Variants in MAP4K3 observed in about 807,000 individuals in gnomAD.
The protein encoded by MAP4K3 is MAPK/ERK kinase kinase kinase 3.
In MAP4K3, 94 loss-of-function variants were observed where a neutral mutation model predicts 143.5. The observed-to-expected ratio is 0.65, with a 90% CI of 0.55 to 0.78. The LOEUF (loss-of-function observed/expected upper bound fraction) is 0.78, where lower values mean the gene tolerates loss of function less well. MAP4K3 is among the 30% of genes least tolerant of loss of function. MAP4K3 has a pLI of 0.00. For missense variants in MAP4K3, 1,077 were observed against 1,068.1 expected (o/e 1.01, Z -0.12); for synonymous variants, 416 against 347.2 (o/e 1.20, Z -2.20).
intron 1 of MAP4K3, among the ~76,000 whole-genome samples, chr2:39,430,314 T>C (rs1665246520): frequency 1.3e-5 from 2 of 152,282 alleles, no homozygotes; most frequent in East Asian, 1.9e-4. Context: ...TTTCAACATA[T>C]GTAAATTTAT....
intron 21 of MAP4K3, among the ~76,000 whole-genome samples, chr2:39,283,488 A>G (rs556131779): frequency 6.6e-6 from 1 of 151,948 alleles, no homozygotes; most frequent in East Asian, 1.9e-4. Flanking sequence ...TTTCATATCT[A>G]TTTGTTGGAG....
chr2:39,390,173 G>T (rs1406307348), intron 1 of MAP4K3, among the ~76,000 whole-genome samples: 1 of 152,078 alleles, frequency 6.6e-6, no homozygotes, highest in East Asian at 1.9e-4. Flanking sequence ...TTACATTTTG[G>T]GTTGTCTCAA....
chr2:39,284,322 C>G (rs188144221), intron 21 of MAP4K3, among the ~76,000 whole-genome samples: 1 of 152,030 alleles, frequency 6.6e-6, no homozygotes, highest in South Asian at 2.1e-4. Context: ...CCACCACACC[C>G]GGCTGTTTCT....
At chr2:39,402,535 GA>G (rs1326984293) in intron 1 of MAP4K3, among the ~76,000 whole-genome samples, 2 of 151,686 alleles carry the variant, frequency 1.3e-5, no homozygotes, top group Non-Finnish European at 1.5e-5. Context: ...CTCGTAAAAG[GA>G]AAAAAAGAAA....
At chr2:39,289,943 T>G (rs902406162) in intron 19 of MAP4K3, among the ~76,000 whole-genome samples, 2 of 152,034 alleles carry the variant, frequency 1.3e-5, no homozygotes, top group Non-Finnish European at 2.9e-5. Context: ...AAACTTTAGC[T>G]GGACCTGGTG....
intron 7 of MAP4K3, among the ~76,000 whole-genome samples, chr2:39,333,186 G>C (rs1202023073): frequency 6.6e-6 from 1 of 152,100 alleles, no homozygotes; most frequent in African/African-American, 2.4e-5. Context: ...TGTTTTTGGA[G>C]TTACTGATTT....
At chr2:39,344,875 GA>G (rs1021451452) in intron 3 of MAP4K3, among the ~76,000 whole-genome samples, 44 of 152,282 alleles carry the variant, frequency 2.9e-4, no homozygotes, top group Admixed American at 7.2e-4. Context: ...GGGAGTTGAA[GA>G]AAGACTGCCT....
At chr2:39,391,228 G>A (rs1369931282) in intron 1 of MAP4K3, among the ~76,000 whole-genome samples, 7 of 151,208 alleles carry the variant, frequency 4.6e-5, no homozygotes, top group South Asian at 2.1e-4. Context: ...GCGTGGTGGC[G>A]GGTGCCTGTA....
chr2:39,394,894 G>A (rs1476212827), intron 1 of MAP4K3, among the ~76,000 whole-genome samples: 1 of 151,884 alleles, frequency 6.6e-6, no homozygotes, highest in East Asian at 1.9e-4. Flanking sequence ...GCCTGGAAAG[G>A]GGCTTTCCTG....
chr2:39,352,832 T>C (rs1384494284), intron 3 of MAP4K3, among the ~76,000 whole-genome samples: 1 of 152,172 alleles, frequency 6.6e-6, no homozygotes, highest in African/African-American at 2.4e-5. Flanking sequence ...AGGGGGAAAT[T>C]TATCAATGGT....
intron 28 of MAP4K3, among the ~76,000 whole-genome samples, chr2:39,263,739 C>T (rs1183289405): frequency 6.6e-6 from 1 of 152,162 alleles, no homozygotes; most frequent in Non-Finnish European, 1.5e-5. Context: ...GGTTCACTAT[C>T]TCAGAATGCT....
chr2:39,421,563 T>C (rs536519106), intron 1 of MAP4K3, among the ~76,000 whole-genome samples: 1 of 152,160 alleles, frequency 6.6e-6, no homozygotes, highest in East Asian at 1.9e-4. Flanking sequence ...ATCTGTAAAA[T>C]GGAAATAACA....
At chr2:39,315,549 G>T in intron 12 of MAP4K3, 161 bp from the exon 13 acceptor site, 1 of 535,650 alleles carries the variant, frequency 1.9e-6, no homozygotes, top group Non-Finnish European at 3.3e-6. Flanking sequence ...AACCACAATA[G>T]CAGCTCAAAC....
chr2:39,372,315 A>G lies in MAP4K3; in HGVS notation c.154+5751T>C, dbSNP rs910473378. On this transcript the variant is annotated intron_variant, in intron 2 of 33. Transcript: ENST00000263881. ...CCAAAAAAAAATGGAAAGATATTCC[A>G]TGTTCATGGACTGGAAGAATCAATA... Among the ~76,000 whole-genome samples, 9 of 152,170 alleles carry G rather than the reference A, an allele frequency of 5.9e-5. No homozygotes were observed. In the South Asian group the frequency reaches 1.0e-3, roughly 18 times the overall value.
chr2:39,389,595 A>AG (rs1354635100), intron 1 of MAP4K3, among the ~76,000 whole-genome samples: 1 of 152,218 alleles, frequency 6.6e-6, no homozygotes, highest in Non-Finnish European at 1.5e-5. Context: ...GACTTTTCAG[A>AG]GAAAAAAGAA....
chr2:39,250,551 G>A lies in MAP4K3; in HGVS notation c.*67C>T. On this transcript the variant is annotated 3_prime_UTR_variant, in exon 34 of 34. Transcript: ENST00000263881. ...TACTGCAGCTTTTGTACAGCTTCAA[G>A]CATCCATTAATGTTGCAGTGGTAGT... is the stretch of plus-strand genomic sequence containing the variant. 2.1e-6 allele frequency: 3 copies of A among 1,395,600 alleles called. No homozygotes were observed. Among genetic ancestry groups the A allele is most frequent in the Non-Finnish European group, 3.0e-6 (3 of 990,744 alleles). The allele number at this position is 1,395,600 out of a possible 1,614,324, so 86.5% of individuals were successfully genotyped here. A position where few individuals can be genotyped will look rare whatever the true frequency, so the allele number is the denominator to read the frequency against.
chr2:39,273,589 A>G (rs1681126355), intron 24 of MAP4K3, among the ~76,000 whole-genome samples: 1 of 152,226 alleles, frequency 6.6e-6, no homozygotes. Flanking sequence ...CTTTATGGAA[A>G]CACAGCCATA....
chr2:39,415,808 C>A (rs919545100), intron 1 of MAP4K3, among the ~76,000 whole-genome samples: 1 of 149,942 alleles, frequency 6.7e-6, no homozygotes, highest in African/African-American at 2.5e-5. Flanking sequence ...AAAATATTAG[C>A]CAGGCATGGT....
At chr2:39,289,897 C>A (rs1054882146) in intron 19 of MAP4K3, among the ~76,000 whole-genome samples, 1 of 152,088 alleles carries the variant, frequency 6.6e-6, no homozygotes, top group African/African-American at 2.4e-5. Context: ...CAAGCCTGGC[C>A]AACATGGCAA....
Sources: gnomAD v4.1 joint callset for allele counts (sites outside exome capture counted in the v4.1 genomes callset) on GRCh38, gnomAD v4.1.1 for gene constraint, MANE v1.5 for transcripts, NCBI Gene and HGNC (gene_info 2026-07-23, HGNC 2026-07-21) for gene names.